Variants in TPTE2 observed in about 807,000 individuals in gnomAD.
TPTE2 encodes transmembrane phosphoinositide 3-phosphatase and tensin homolog 2.
In TPTE2, 53 loss-of-function variants were observed where a neutral mutation model predicts 78.6. The ratio of observed to expected loss-of-function variants is 0.67; its 90% CI spans 0.54 to 0.85. The LOEUF is 0.85. Ranked by LOEUF, TPTE2 falls within the 40% of genes least tolerant of loss-of-function variation. TPTE2 has a pLI of 0.00. For missense variants in TPTE2, 461 were observed against 623.0 expected (o/e 0.74, Z 2.77); for synonymous variants, 175 against 206.2 (o/e 0.85, Z 1.30).
At chr13:19,465,318 C>A (rs1879195346) in exon 9 of TPTE2, 1 of 1,613,610 alleles carries the variant, frequency 6.2e-7, no homozygotes, top group Non-Finnish European at 8.5e-7. Flanking sequence ...TTTTCTGAAA[C>A]CTGAGAGTTT....
chr13:19,438,248 T>A (rs1877253890), intron 13 of TPTE2, 95 bp from the exon 17 acceptor site: 1 of 1,471,464 alleles, frequency 6.8e-7, no homozygotes, highest in Non-Finnish European at 9.1e-7. Context: ...TTTTCTTTCT[T>A]TTTTTTGAGA....
chr13:19,498,437 A>C (rs1238585780), intron 1 of TPTE2, among the ~76,000 whole-genome samples: 1 of 121,562 alleles, frequency 8.2e-6, no homozygotes, highest in Admixed American at 7.6e-5. Flanking sequence ...CCATCAGACT[A>C]ACAGCAGATC....
chr13:19,485,622 C>T (rs1387545557), intron 3 of TPTE2, among the ~76,000 whole-genome samples: 1 of 151,944 alleles, frequency 6.6e-6, no homozygotes, highest in Non-Finnish European at 1.5e-5. Flanking sequence ...AATATGTTTT[C>T]CTCATATTTT....
chr13:19,555,994 G>T, the TPTE2 span, among the ~76,000 whole-genome samples: 1 of 151,698 alleles, frequency 6.6e-6, no homozygotes, highest in African/African-American at 2.4e-5. Flanking sequence ...TGTATTTTTA[G>T]TAGAGACAGG....
intron 10 of TPTE2, among the ~76,000 whole-genome samples, chr13:19,451,584 A>G (rs142978157): frequency 6.6e-6 from 1 of 152,298 alleles, no homozygotes; most frequent in East Asian, 1.9e-4. Context: ...TCTTATTTCA[A>G]TTTAATTCTG....
intron 2 of TPTE2, 110 bp downstream of exon 5, chr13:19,493,338 T>TGGAC (rs1156785719): frequency 9.2e-6 from 7 of 757,798 alleles, no homozygotes; most frequent in Middle Eastern, 7.0e-4. Flanking sequence ...GATGGATGGA[T>TGGAC]GGATGGATGG....
chr13:19,427,348 G>C (rs1489991493), intron 17 of TPTE2, among the ~76,000 whole-genome samples: 3 of 151,700 alleles, frequency 2.0e-5, no homozygotes, highest in Non-Finnish European at 2.9e-5. Context: ...CTCCCGAAGT[G>C]CTGGGATTAC....
intron 10 of TPTE2, among the ~76,000 whole-genome samples, chr13:19,460,198 G>T (rs969084510): frequency 6.6e-6 from 1 of 152,202 alleles, no homozygotes; most frequent in Non-Finnish European, 1.5e-5. Context: ...TGGTGACATG[G>T]GCTCACAAGG....
chr13:19,439,429 A>T (rs1227908286), intron 13 of TPTE2, among the ~76,000 whole-genome samples: 2 of 152,104 alleles, frequency 1.3e-5, no homozygotes, highest in African/African-American at 4.8e-5. Context: ...AGAAAAAAAT[A>T]ACAATAATAT....
chr13:19,489,013 A>C (rs561598078), intron 3 of TPTE2, among the ~76,000 whole-genome samples: 2 of 152,164 alleles, frequency 1.3e-5, no homozygotes, highest in South Asian at 4.2e-4. Context: ...CCTACTTTCA[A>C]TATTGTTGTG....
rs370483570 is a variant in TPTE2, at chr13:19,445,673, G to T, written c.973+4403C>A. Among the ~76,000 whole-genome samples the T allele has an allele frequency of 4.9e-4, 75 of 152,376 alleles. 2 individuals carry two copies. The East Asian group carries it at 0.011, about 23-fold the overall frequency. On this transcript the variant is annotated intron_variant, in intron 13 of 19. Coordinates refer to ENST00000400230, the Ensembl canonical transcript of TPTE2. ...GCAGTATTATTGGGCTAGGCATGGT[G>T]GCTCATGCCTGTAATCCCAGCAATT...
intron 4 of TPTE2, among the ~76,000 whole-genome samples, chr13:19,481,890 G>A (rs1234619042): frequency 1.3e-5 from 2 of 152,080 alleles, no homozygotes; most frequent in South Asian, 2.1e-4. Flanking sequence ...GGGCAAGAAA[G>A]AAGCAGAAGA....
At chr13:19,448,657 AAAG>A (rs1877986224) in intron 13 of TPTE2, among the ~76,000 whole-genome samples, 1 of 115,650 alleles carries the variant, frequency 8.6e-6, no homozygotes, top group Non-Finnish European at 2.0e-5. Context: ...CAAAAAGACA[AAAG>A]AAGAGTTGGT....
At chr13:19,488,075 G>A (rs1245898490) in intron 3 of TPTE2, among the ~76,000 whole-genome samples, 1 of 152,172 alleles carries the variant, frequency 6.6e-6, no homozygotes, top group African/African-American at 2.4e-5. Flanking sequence ...CTTCCATGCT[G>A]TGGCAACTTC....
At chr13:19,532,658 C>G (rs1217642830) in intron 1 of TPTE2, among the ~76,000 whole-genome samples, 1 of 152,196 alleles carries the variant, frequency 6.6e-6, no homozygotes, top group Non-Finnish European at 1.5e-5. Flanking sequence ...GCCTTAGTAC[C>G]CATCACATTC....
At chr13:19,556,580 G>A in the TPTE2 span, among the ~76,000 whole-genome samples, 25 of 152,274 alleles carry the variant, frequency 1.6e-4, no homozygotes, top group East Asian at 1.4e-3. Flanking sequence ...AGGATGGAGT[G>A]TTATGGCATA....
At chr13:19,549,775 T>C in the TPTE2 span, among the ~76,000 whole-genome samples, 1 of 66,106 alleles carries the variant, frequency 1.5e-5, no homozygotes, top group African/African-American at 3.1e-5. Context: ...ATGGTGGATT[T>C]GATAAGGAAA....
intron 10 of TPTE2, among the ~76,000 whole-genome samples, chr13:19,461,933 C>CTTTT (rs60926599): frequency 0.016 from 2,098 of 134,310 alleles, 75 homozygotes; most frequent in East Asian, 0.15. Flanking sequence ...ACAGTTGGGT[C>CTTTT]TTTTTTTTTT....
intron 13 of TPTE2, among the ~76,000 whole-genome samples, chr13:19,446,180 G>A (rs1158922215): frequency 1.3e-5 from 2 of 152,162 alleles, no homozygotes; most frequent in Non-Finnish European, 2.9e-5. Context: ...TAAATTCAAT[G>A]TAGTTCCAAT....
Sources: gnomAD v4.1 joint callset for allele counts (sites outside exome capture counted in the v4.1 genomes callset) on GRCh38, gnomAD v4.1.1 for gene constraint, MANE v1.5 for transcripts, NCBI Gene and HGNC (gene_info 2026-07-23, HGNC 2026-07-21) for gene names.